The following GRM3 variants were observed in gnomAD, a reference collection of about 807,000 sequenced individuals.
GRM3 encodes glutamate metabotropic receptor 3.
GRM3 carries 26 observed loss-of-function variants against 70.5 expected under a neutral mutation model. The ratio of observed to expected loss-of-function variants is 0.37; its 90% CI spans 0.27 to 0.51. The LOEUF (loss-of-function observed/expected upper bound fraction) is 0.51, where lower values mean the gene tolerates loss of function less well. Among genes scored for constraint, GRM3 ranks in the 20% least tolerant of loss-of-function variants. The pLI, the probability that GRM3 is intolerant of heterozygous loss-of-function variation, is 0.93. For missense variants in GRM3, 859 were observed against 1,123.8 expected, an observed-to-expected ratio of 0.76 and a Z score of 3.37; for synonymous variants, 443 against 434.9, an observed-to-expected ratio of 1.02 and a Z score of -0.23.
At chr7:86,835,881 G>A (rs1323278829) in intron 3 of GRM3, among the ~76,000 whole-genome samples, 1 of 151,928 alleles carries the variant, frequency 6.6e-6, no homozygotes, top group Non-Finnish European at 1.5e-5. Flanking sequence ...CAAAATGCTG[G>A]GATAACAGAT....
intron 1 of GRM3, among the ~76,000 whole-genome samples, chr7:86,668,838 T>A (rs1323073219): frequency 6.6e-6 from 1 of 152,126 alleles, no homozygotes; most frequent in African/African-American, 2.4e-5. Flanking sequence ...ATTTTAGAAA[T>A]GGGAGGAAGT....
At chr7:86,805,973 C>A (rs893727026) in intron 3 of GRM3, among the ~76,000 whole-genome samples, 18 of 150,770 alleles carry the variant, frequency 1.2e-4, no homozygotes, top group African/African-American at 3.7e-4. Flanking sequence ...TGTTCAATTC[C>A]CACCTATGAG....
chr7:86,836,526 A>G (rs1193656014), intron 3 of GRM3, among the ~76,000 whole-genome samples: 1 of 152,210 alleles, frequency 6.6e-6, no homozygotes, highest in Non-Finnish European at 1.5e-5. Flanking sequence ...AATCATGCCT[A>G]CTAATGGAAG....
chr7:86,689,592 T>A (rs935548422), intron 1 of GRM3, among the ~76,000 whole-genome samples: 6 of 152,132 alleles, frequency 3.9e-5, no homozygotes, highest in Admixed American at 6.5e-5. Context: ...TTTGCACTTA[T>A]TTAGAGAAAC....
At chr7:86,780,176 A>G (rs1797008660) in intron 2 of GRM3, among the ~76,000 whole-genome samples, 1 of 152,190 alleles carries the variant, frequency 6.6e-6, no homozygotes, top group South Asian at 2.1e-4. Flanking sequence ...TAGTGCCGCA[A>G]TAAACATACG....
At chr7:86,731,622 T>C (rs1254604146) in intron 1 of GRM3, among the ~76,000 whole-genome samples, 5 of 152,164 alleles carry the variant, frequency 3.3e-5, no homozygotes, top group Admixed American at 2.6e-4. Flanking sequence ...TTTAAAAATA[T>C]TGTCAGATTG....
At chr7:86,738,608 C>T (rs941353392) in intron 1 of GRM3, among the ~76,000 whole-genome samples, 3 of 152,126 alleles carry the variant, frequency 2.0e-5, no homozygotes, top group Non-Finnish European at 4.4e-5. Context: ...AAAGATCACA[C>T]ACTTTATGAA....
intron 2 of GRM3, among the ~76,000 whole-genome samples, chr7:86,785,718 T>G (rs13231454): frequency 0.22 from 27,247 of 122,082 alleles, 3,528 homozygotes; most frequent in African/African-American, 0.28. Context: ...TTTTTTTTTT[T>G]GCTTAACCTA....
intron 1 of GRM3, among the ~76,000 whole-genome samples, chr7:86,733,109 T>C (rs1415503612): frequency 6.6e-6 from 1 of 151,846 alleles, no homozygotes; most frequent in East Asian, 1.9e-4. Context: ...GGTCAGGAGA[T>C]CGAGACCATC....
intron 1 of GRM3, among the ~76,000 whole-genome samples, chr7:86,654,686 T>C (rs182679996): frequency 2.5e-4 from 38 of 152,376 alleles, no homozygotes; most frequent in Admixed American, 2.4e-3. Flanking sequence ...AACTTCTTTA[T>C]TCTCCTACCA....
chr7:86,805,375 T>C (rs1797768615), intron 3 of GRM3, among the ~76,000 whole-genome samples: 1 of 152,130 alleles, frequency 6.6e-6, no homozygotes, highest in Non-Finnish European at 1.5e-5. Context: ...TACACAACCT[T>C]CCCACCATTA....
intron 1 of GRM3, among the ~76,000 whole-genome samples, chr7:86,678,963 T>C (rs1794373320): frequency 6.6e-6 from 1 of 152,118 alleles, no homozygotes; most frequent in South Asian, 2.1e-4. Context: ...TTTTGTGATT[T>C]CACATAGCTT....
At chr7:86,683,123 G>T (rs1794481599) in intron 1 of GRM3, among the ~76,000 whole-genome samples, 1 of 152,126 alleles carries the variant, frequency 6.6e-6, no homozygotes, top group Non-Finnish European at 1.5e-5. Flanking sequence ...GGTAGGTTTT[G>T]AACTCAAATA....
intron 4 of GRM3, among the ~76,000 whole-genome samples, chr7:86,840,445 A>G (rs1041781362): frequency 6.6e-6 from 1 of 152,256 alleles, no homozygotes; most frequent in East Asian, 1.9e-4. Flanking sequence ...TGTCTTTTCT[A>G]TAGCTTTAGT....
At chr7:86,751,622 C>T (rs559764672) in intron 1 of GRM3, among the ~76,000 whole-genome samples, 1 of 152,220 alleles carries the variant, frequency 6.6e-6, no homozygotes, top group South Asian at 2.1e-4. Flanking sequence ...TCACCTTTCT[C>T]TTCCCATGCA....
chr7:86,822,807 A>G (rs1389878919), intron 3 of GRM3, among the ~76,000 whole-genome samples: 1 of 152,222 alleles, frequency 6.6e-6, no homozygotes, highest in East Asian at 1.9e-4. Flanking sequence ...TACATACCAT[A>G]TCAATCTCTG....
At chr7:86,759,352 A>G (rs1353100703) in intron 1 of GRM3, among the ~76,000 whole-genome samples, 1 of 152,192 alleles carries the variant, frequency 6.6e-6, no homozygotes, top group Non-Finnish European at 1.5e-5. Flanking sequence ...AAATTTATCC[A>G]GGGCCAAAGT....
chr7:86,747,369 G>T (rs775462642), intron 1 of GRM3, among the ~76,000 whole-genome samples: 1 of 152,048 alleles, frequency 6.6e-6, no homozygotes, highest in Non-Finnish European at 1.5e-5. Flanking sequence ...AGAGAAAATT[G>T]ATGAGATTTA....
intron 5 of GRM3, among the ~76,000 whole-genome samples, chr7:86,857,623 G>C (rs1459197927): frequency 6.6e-6 from 1 of 152,174 alleles, no homozygotes; most frequent in Non-Finnish European, 1.5e-5. Flanking sequence ...ACAGAAAGGA[G>C]ACTAAAACTA....
Sources: allele counts gnomAD v4.1 joint callset (sites outside exome capture counted in the v4.1 genomes callset), GRCh38; gene constraint gnomAD v4.1.1; transcripts MANE v1.5; gene names NCBI Gene and HGNC (gene_info 2026-07-23, HGNC 2026-07-21).